DGKK: variants seen among roughly 807,000 people sequenced by gnomAD.
The protein encoded by DGKK is diacylglycerol kinase kappa.
In DGKK, 35 loss-of-function variants were observed where a neutral mutation model predicts 92.2. The observed-to-expected ratio is 0.38, with a 90% confidence interval of 0.29 to 0.50. The LOEUF is 0.50. Ranked by LOEUF, DGKK falls within the 20% of genes least tolerant of loss-of-function variation. DGKK has a pLI of 0.92. For missense variants in DGKK, 910 were observed against 992.2 expected, an observed-to-expected ratio of 0.92 and a Z score of 1.11; for synonymous variants, 368 against 360.6, an observed-to-expected ratio of 1.02 and a Z score of -0.23.
Position 50,368,202 on chromosome X carries a change from C to T in DGKK, c.*738G>A, listed in dbSNP as rs1437181630. 9.0e-6 allele frequency: 1 copy of T among 110,778 alleles called. No individual in the cohort carries two copies. The highest frequency in any genetic ancestry group is 1.9e-5 in the Non-Finnish European group (1 of 52,975). The allele number at this position is 110,778 out of a possible 1,213,427, so 9.1% of individuals were successfully genotyped here. On this transcript the variant is annotated 3_prime_UTR_variant, in exon 28 of 28. Transcript: ENST00000611977. ...GGAGGCATGCAGGCTAGGATCAAGG[C>T]AGCAGGAGGGGAGCCTGTATGGTTG...
intron 1 of DGKK, among the ~76,000 whole-genome samples, chrX:50,450,318 G>A (rs962408340): frequency 8.9e-6 from 1 of 112,113 alleles, no homozygotes; most frequent in Admixed American, 9.4e-5. Flanking sequence ...TACACTGGCT[G>A]TTTAGTTTCC....
Position 50,379,702 on chromosome X carries a change from C to A in DGKK, c.2787G>T (p.Leu929=). 1 of 1,211,031 alleles carries A rather than the reference C, an allele frequency of 8.3e-7. No individual in the cohort carries two copies. The highest frequency in any genetic ancestry group is 1.1e-6 in the Non-Finnish European group (1 of 894,950). ...TAATGTTGAGCACTACAATGCCTTG[C>A]AGGTTTGGCAAGGAGATGGTTTCTC... ...CDGETISLPN[L]QGIVVLNITS... The change falls in exon 20 of 28, where the codon CTG becomes CTT. Residue 929 remains leucine, a synonymous_variant. Transcript: ENST00000611977.
chrX:50,403,575 T>C lies in DGKK; in HGVS notation c.1101A>G (p.Arg367=). ...CTTTGCTTGCTCTCAAAGCACACAA[T>C]CTGTGAGATTTCACTTTGCACACTG... is the stretch of plus-strand genomic sequence containing the variant. The part of the protein sequence containing the change: ...ICEVCKVKSH[R]LCALRASKDC... Residue 367 remains arginine, a synonymous_variant, in exon 6 of 28, where the codon AGA becomes AGG. Transcript: ENST00000611977. 8.3e-7 allele frequency: 1 copy of C among 1,208,166 alleles called. No individual in the cohort carries two copies. The highest frequency in any genetic ancestry group is 1.1e-6 in the Non-Finnish European group (1 of 893,027).
At chrX:50,385,172 T>C (rs1924515052) in intron 15 of DGKK, among the ~76,000 whole-genome samples, 1 of 111,809 alleles carries the variant, frequency 8.9e-6, no homozygotes, top group Non-Finnish European at 1.9e-5. Context: ...CATGGGAAAC[T>C]CTCTGCTCTT....
chrX:50,415,738 C>T (rs1602285945), intron 4 of DGKK, among the ~76,000 whole-genome samples: 2 of 111,514 alleles, frequency 1.8e-5, no homozygotes, highest in East Asian at 5.7e-4. Context: ...ATGTCTATCC[C>T]ATGCCTAGTT....
chrX:50,464,123 CT>C (rs1926831670), intron 1 of DGKK, among the ~76,000 whole-genome samples: 1 of 97,671 alleles, frequency 1.0e-5, no homozygotes, highest in African/African-American at 3.8e-5. Flanking sequence ...TTCATTTTTT[CT>C]TCTTTTAAAA....
chrX:50,418,150 A>G (rs1452514106), intron 4 of DGKK, among the ~76,000 whole-genome samples: 1 of 111,334 alleles, frequency 9.0e-6, no homozygotes, highest in Non-Finnish European at 1.9e-5. Context: ...ACTCCAGCCC[A>G]TACTTATCTC....
intron 1 of DGKK, among the ~76,000 whole-genome samples, chrX:50,452,285 A>G (rs894205314): frequency 8.9e-6 from 1 of 112,038 alleles, no homozygotes; most frequent in African/African-American, 3.2e-5. Flanking sequence ...TTCTGTAGGT[A>G]GAAGCAAATC....
intron 1 of DGKK, among the ~76,000 whole-genome samples, chrX:50,463,646 C>T (rs1373010584): frequency 9.4e-6 from 1 of 106,814 alleles, no homozygotes; most frequent in African/African-American, 3.4e-5. Context: ...CCTTCTCTTC[C>T]TTCTTTCTCC....
chrX:50,409,047 T>C (rs1925241357), intron 4 of DGKK, among the ~76,000 whole-genome samples: 1 of 111,613 alleles, frequency 9.0e-6, no homozygotes, highest in African/African-American at 3.3e-5. Flanking sequence ...TGACTGTGAT[T>C]CTATATGGAA....
chrX:50,446,435 C>T (rs1376243630), intron 1 of DGKK, among the ~76,000 whole-genome samples: 1 of 111,352 alleles, frequency 9.0e-6, no homozygotes, highest in African/African-American at 3.3e-5. Context: ...ATGGTGACAT[C>T]TCATTGTGGT....
Position 50,387,613 on chromosome X carries a change from C to T in DGKK, c.2059G>A (p.Val687Ile). ...TGTTTTATCTGACCCCAGGCCTTTA[C>T]AATATCAACCACAAAATCTTCCACA... The part of the protein sequence containing the change: ...SAVEDFVVDI[V>I]KAWGQIKQNN... Residue 687 changes from valine to isoleucine, a missense_variant, in exon 14 of 28, where the codon GTA becomes ATA. Val to Ile is a conservative substitution (Grantham distance 29). Coordinates refer to ENST00000611977, the MANE Select transcript of DGKK (RefSeq NM_001013742.4). 1 of 1,207,603 alleles carries T rather than the reference C, an allele frequency of 8.3e-7. No individual in the cohort carries two copies. Among genetic ancestry groups the T allele is most frequent in the Non-Finnish European group, 1.1e-6 (1 of 892,256 alleles).
intron 25 of DGKK, among the ~76,000 whole-genome samples, chrX:50,374,563 G>A (rs1290344640): frequency 9.0e-6 from 1 of 111,179 alleles, no homozygotes; most frequent in Non-Finnish European, 1.9e-5. Flanking sequence ...TTTGAACCCA[G>A]GAATCTCCCA....
At position 50,366,195 on chromosome X, in the gene DGKK, C is replaced by T. The variant is rs985588687; in HGVS notation, c.*2745G>A. On this transcript the variant is annotated 3_prime_UTR_variant, in exon 28 of 28. Coordinates refer to ENST00000611977, the MANE Select transcript of DGKK (RefSeq NM_001013742.4). ...AACAAAGTCCTTAAAGGAGCTCACA[C>T]TCCCAGAGCTAAGACAACTCCCTTG... is the stretch of plus-strand genomic sequence containing the variant. 3 of 112,453 alleles carry T rather than the reference C, an allele frequency of 2.7e-5. No homozygotes were observed. The highest frequency in any genetic ancestry group is 9.7e-5 in the African/African-American group (3 of 30,923). 9.3% of individuals were successfully genotyped at this position (112,453 alleles called of 1,213,427 possible).
At chrX:50,387,071 G>A (rs1368355310) in intron 14 of DGKK, among the ~76,000 whole-genome samples, 1 of 111,137 alleles carries the variant, frequency 9.0e-6, no homozygotes, top group African/African-American at 3.3e-5. Context: ...AATAGTTTGC[G>A]ATCTGAGGCA....
chrX:50,374,376 A>AC (rs1259760059), intron 25 of DGKK, among the ~76,000 whole-genome samples: 2 of 111,221 alleles, frequency 1.8e-5, no homozygotes, highest in Non-Finnish European at 3.8e-5. Context: ...GCAAAGAAGG[A>AC]CCCCTTACAG....
chrX:50,435,781 C>CAG lies in DGKK; in HGVS notation c.646-11425_646-11424dup, dbSNP rs1362629592. ...ATATTCAGAAAGAGAGAGAGAGACTCAGAGAGAGAGAGAGAGAATGCCTCT... is the reference window on the plus strand; with the variant it reads ...ATATTCAGAAAGAGAGAGAGAGACTCAGAGAGAGAGAGAGAGAGAATGCCTCT... On this transcript the variant is annotated intron_variant, in intron 1 of 27. Transcript: ENST00000611977. Among the ~76,000 whole-genome samples the CAG allele has an allele frequency of 2.0e-4, 22 of 107,893 alleles. No homozygotes were observed. In the East Asian group the frequency reaches 2.6e-3, roughly 13 times the overall value. 93.7% of individuals were successfully genotyped at this position (107,893 alleles called of 115,157 possible). A position where few individuals can be genotyped will look rare whatever the true frequency, so the allele number is the denominator to read the frequency against.
chrX:50,384,237 A>G lies in DGKK; in HGVS notation c.2480T>C (p.Ile827Thr). Reference protein sequence around the residue: ...RRSRRGTLSSISSLKSEDLDN... With the variant: ...RRSRRGTLSSTSSLKSEDLDN... ...CAGGTCCTCACTTTTGAGAGAAGAT[A>G]TAGAAGACAAAGTGCCACGACGAGA... The change falls in exon 17 of 28, where the codon ATA (isoleucine) becomes ACA (threonine). Residue 827 changes from isoleucine (I) to threonine (T), a missense_variant. Transcript: ENST00000611977. The G allele has an allele frequency of 5.1e-6, 6 of 1,179,767 alleles. No homozygotes were observed. In the South Asian group the frequency reaches 1.1e-4, roughly 22 times the overall value.
At chrX:50,405,267 G>A (rs1390401861) in intron 4 of DGKK, among the ~76,000 whole-genome samples, 2 of 111,148 alleles carry the variant, frequency 1.8e-5, no homozygotes, top group African/African-American at 3.3e-5. Context: ...TGACTGTAGG[G>A]AAAGCAAGGG....
Sources: gnomAD v4.1 joint callset for allele counts (sites outside exome capture counted in the v4.1 genomes callset) on GRCh38, gnomAD v4.1.1 for gene constraint, MANE v1.5 for transcripts, NCBI Gene and HGNC (gene_info 2026-07-23, HGNC 2026-07-21) for gene names.